Variants in FOXP1 observed in about 807,000 individuals in gnomAD.
FOXP1 encodes forkhead box P1, also known as forkhead box protein P1.
FOXP1 carries 15 observed loss-of-function variants against 98.2 expected under a neutral mutation model. The ratio of observed to expected loss-of-function variants is 0.15; its 90% CI spans 0.10 to 0.24. The LOEUF (loss-of-function observed/expected upper bound fraction) is 0.24, where lower values mean the gene tolerates loss of function less well. FOXP1 is among the 10% of genes least tolerant of loss of function. The pLI is 1.00. For synonymous variants in FOXP1, 371 were observed against 314.5 expected, an observed-to-expected ratio of 1.18 and a Z score of -1.90; for missense variants, 633 against 848.5, an observed-to-expected ratio of 0.75 and a Z score of 3.15.
intron 5 of FOXP1, among the ~76,000 whole-genome samples, chr3:71,256,137 G>C (rs1435868972): frequency 1.3e-5 from 2 of 152,144 alleles, no homozygotes; most frequent in African/African-American, 4.8e-5. Flanking sequence ...AGACATCCAA[G>C]GTAAAGGCAG....
chr3:70,992,793 A>G (rs2040806330), intron 13 of FOXP1, among the ~76,000 whole-genome samples: 1 of 152,198 alleles, frequency 6.6e-6, no homozygotes, highest in African/African-American at 2.4e-5. Context: ...ATTATGAAAA[A>G]TAAGTGTCGT....
At chr3:71,581,791 G>A (rs2048191006) in intron 1 of FOXP1, 94 bp from the exon 2 acceptor site, 2 of 985,748 alleles carry the variant, frequency 2.0e-6, no homozygotes, top group African/African-American at 1.7e-5. Context: ...AGTAGGCCGA[G>A]GGGCCAGGAC....
chr3:70,995,301 G>A (rs2041213656), intron 13 of FOXP1, among the ~76,000 whole-genome samples: 1 of 152,148 alleles, frequency 6.6e-6, no homozygotes, highest in Admixed American at 6.5e-5. Context: ...TTCTCAGTGG[G>A]GAGTTCTTAT....
intron 3 of FOXP1, among the ~76,000 whole-genome samples, chr3:71,421,068 C>T (rs563144614): frequency 5.3e-5 from 8 of 152,270 alleles, no homozygotes; most frequent in Admixed American, 5.2e-4. Context: ...TGAGATGAGA[C>T]TAGAAATGCC....
intron 6 of FOXP1, among the ~76,000 whole-genome samples, chr3:71,193,659 G>A (rs2063134858): frequency 6.6e-6 from 1 of 151,908 alleles, no homozygotes; most frequent in Non-Finnish European, 1.5e-5. Flanking sequence ...ATGTTGGCCA[G>A]GCTGGTCTCC....
At chr3:71,328,621 G>A (rs1490673101) in intron 4 of FOXP1, among the ~76,000 whole-genome samples, 1 of 152,184 alleles carries the variant, frequency 6.6e-6, no homozygotes, top group Non-Finnish European at 1.5e-5. Flanking sequence ...ACAAGATAGT[G>A]AAGAAATGCA....
intron 11 of FOXP1, among the ~76,000 whole-genome samples, chr3:71,029,376 G>A (rs78935061): frequency 0.013 from 2,043 of 152,050 alleles, 50 homozygotes; most frequent in African/African-American, 0.047. Context: ...ACACTATGAT[G>A]TTCCACTAGT....
chr3:71,280,002 A>T (rs976159420), intron 5 of FOXP1, among the ~76,000 whole-genome samples: 12 of 151,818 alleles, frequency 7.9e-5, no homozygotes, highest in African/African-American at 2.9e-4. Context: ...GGGCGCCTGT[A>T]GTCCCAGCTA....
intron 13 of FOXP1, among the ~76,000 whole-genome samples, chr3:70,990,674 A>G (rs1202502223): frequency 6.6e-6 from 1 of 152,212 alleles, no homozygotes; most frequent in Non-Finnish European, 1.5e-5. Context: ...AGAGAAGAGA[A>G]TTACTCTCTA....
chr3:71,567,040 AATG>A (rs1249360351), intron 2 of FOXP1, among the ~76,000 whole-genome samples: 14 of 152,190 alleles, frequency 9.2e-5, no homozygotes, highest in Non-Finnish European at 2.9e-5. Flanking sequence ...ATTGTGCTGG[AATG>A]ATGAGGATAG....
intron 7 of FOXP1, among the ~76,000 whole-genome samples, chr3:71,104,961 T>C (rs2057300174): frequency 6.6e-6 from 1 of 151,998 alleles, no homozygotes; most frequent in Admixed American, 6.5e-5. Context: ...TTTGTTGTAA[T>C]CATATATGTG....
At chr3:71,040,313 A>G (rs2048172496) in intron 11 of FOXP1, 1 of 152,196 alleles carries the variant, frequency 6.6e-6, no homozygotes, top group Non-Finnish European at 1.5e-5. Context: ...TAAAAAACAC[A>G]ATACAGAATT....
At chr3:71,432,196 A>T (rs1041448524) in intron 3 of FOXP1, among the ~76,000 whole-genome samples, 3 of 152,258 alleles carry the variant, frequency 2.0e-5, no homozygotes, top group African/African-American at 7.2e-5. Context: ...TGCAGAGATC[A>T]ACCACTGACG....
chr3:71,505,657 C>A (rs1364195386), intron 2 of FOXP1, among the ~76,000 whole-genome samples: 1 of 152,108 alleles, frequency 6.6e-6, no homozygotes, highest in African/African-American at 2.4e-5. Flanking sequence ...GATCTCCTGA[C>A]CTCATGATTT....
chr3:71,232,811 T>A (rs564563003), intron 5 of FOXP1, among the ~76,000 whole-genome samples: 11 of 136,206 alleles, frequency 8.1e-5, no homozygotes, highest in African/African-American at 2.7e-4. Context: ...AGAGGGAAGA[T>A]CTCTTGAGCC....
chr3:71,252,008 C>A (rs1220632804), intron 5 of FOXP1, among the ~76,000 whole-genome samples: 2 of 152,136 alleles, frequency 1.3e-5, no homozygotes, highest in Non-Finnish European at 2.9e-5. Context: ...GCTTTCTCTG[C>A]AGTTAGGGAT....
chr3:71,453,960 G>A (rs2087192721), intron 3 of FOXP1, among the ~76,000 whole-genome samples: 1 of 152,130 alleles, frequency 6.6e-6, no homozygotes, highest in Non-Finnish European at 1.5e-5. Context: ...AGTTTTAAGG[G>A]GCTGTAACTC....
chr3:71,582,128 G>A, intron 1 of FOXP1: 1 of 984,954 alleles, frequency 1.0e-6, no homozygotes, highest in Non-Finnish European at 1.2e-6. Flanking sequence ...AGGGGGGCAT[G>A]CGACTTTGTT....
chr3:71,330,223 T>C (rs1244850582), intron 4 of FOXP1, among the ~76,000 whole-genome samples: 1 of 152,238 alleles, frequency 6.6e-6, no homozygotes, highest in Non-Finnish European at 1.5e-5. Context: ...TGCTTTCTAC[T>C]TTTTCTTCAT....
Sources: gnomAD v4.1 joint callset for allele counts (sites outside exome capture counted in the v4.1 genomes callset) on GRCh38, gnomAD v4.1.1 for gene constraint, MANE v1.5 for transcripts, NCBI Gene and HGNC (gene_info 2026-07-23, HGNC 2026-07-21) for gene names.